The following GRK5 variants were observed in gnomAD, a reference collection of about 807,000 sequenced individuals.
GRK5 encodes the protein G protein-coupled receptor kinase 5.
Under a neutral mutation model 78.4 loss-of-function variants are expected in GRK5, and 40 were observed. The ratio of observed to expected loss-of-function variants is 0.51; its 90% CI spans 0.40 to 0.66. The LOEUF (loss-of-function observed/expected upper bound fraction) is 0.66. Among genes scored for constraint, GRK5 ranks in the 30% least tolerant of loss-of-function variants. GRK5 has a pLI of 0.00. For missense variants in GRK5, 598 were observed against 759.9 expected (o/e 0.79, Z 2.50); for synonymous variants, 289 against 296.8 (o/e 0.97, Z 0.27).
intron 1 of GRK5, among the ~76,000 whole-genome samples, chr10:119,215,936 G>A (rs1848564489): frequency 6.6e-6 from 1 of 152,100 alleles, no homozygotes; most frequent in Non-Finnish European, 1.5e-5. Flanking sequence ...CCATTTTAAG[G>A]GTTTTCATTT....
At chr10:119,209,477 T>A (rs1016732905) in intron 1 of GRK5, among the ~76,000 whole-genome samples, 2 of 145,800 alleles carry the variant, frequency 1.4e-5, no homozygotes, top group Non-Finnish European at 3.0e-5. Context: ...GAGCTGTGTG[T>A]GTGTGTGTGG....
At position 119,292,105 on chromosome 10, in the gene GRK5, TTCTCCTCTTCCTCCC is replaced by T. The variant is rs1485544239; in HGVS notation, c.53-34403_53-34389del. On this transcript the variant is annotated intron_variant, in intron 1 of 15. Transcript: ENST00000392870. ...TTCCTCCTCCTTCTCCTCTTCCTCCTTCTCCTCTTCCTCCCTCTCCTCATCTTCCTCCTTCTCCTC... is the reference window on the plus strand; with the variant it reads ...TTCCTCCTCCTTCTCCTCTTCCTCCTTCTCCTCATCTTCCTCCTTCTCCTC... Among the ~76,000 whole-genome samples the T allele has an allele frequency of 8.6e-5, 10 of 116,136 alleles. 1 individual carries two copies. The East Asian group carries it at 9.2e-4, about 11-fold the overall frequency. 76.2% of individuals were successfully genotyped at this position (116,136 alleles called of 152,430 possible). A position where few individuals can be genotyped will look rare whatever the true frequency, so the allele number is the denominator to read the frequency against.
intron 1 of GRK5, among the ~76,000 whole-genome samples, chr10:119,237,903 TTGTC>T (rs1453989114): frequency 6.6e-6 from 1 of 151,406 alleles, no homozygotes; most frequent in Non-Finnish European, 1.5e-5. Context: ...TGTTAATGGG[TTGTC>T]TGTCTGTCAA....
chr10:119,362,070 G>C (rs1292452598), intron 2 of GRK5, among the ~76,000 whole-genome samples: 1 of 152,066 alleles, frequency 6.6e-6, no homozygotes, highest in African/African-American at 2.4e-5. Context: ...GTGATTATTG[G>C]AGGTGATGCT....
At chr10:119,231,870 C>A (rs1848836128) in intron 1 of GRK5, among the ~76,000 whole-genome samples, 1 of 152,124 alleles carries the variant, frequency 6.6e-6, no homozygotes, top group South Asian at 2.1e-4. Context: ...GGAACTCATA[C>A]ACTGTTGGTG....
intron 4 of GRK5, among the ~76,000 whole-genome samples, chr10:119,422,459 C>T: frequency 6.6e-6 from 1 of 152,182 alleles, no homozygotes; most frequent in East Asian, 1.9e-4. Flanking sequence ...GATTGTCTTC[C>T]TGACAAGAGT....
intron 1 of GRK5, among the ~76,000 whole-genome samples, chr10:119,220,996 A>G (rs552295088): frequency 6.6e-6 from 1 of 151,992 alleles, no homozygotes; most frequent in Non-Finnish European, 1.5e-5. Context: ...TCTACTAAAA[A>G]TACAAAAAAA....
intron 1 of GRK5, among the ~76,000 whole-genome samples, chr10:119,216,799 A>G (rs1423215507): frequency 6.6e-6 from 1 of 152,042 alleles, no homozygotes; most frequent in Non-Finnish European, 1.5e-5. Context: ...CTAAAAATAC[A>G]AAATTACCTG....
At chr10:119,429,086 G>A (rs1340895292) in intron 6 of GRK5, among the ~76,000 whole-genome samples, 1 of 152,232 alleles carries the variant, frequency 6.6e-6, no homozygotes, top group African/African-American at 2.4e-5. Context: ...CTGTCCAGCC[G>A]CTCCTGTGCA....
At chr10:119,300,526 G>A (rs1850159797) in intron 1 of GRK5, among the ~76,000 whole-genome samples, 1 of 152,182 alleles carries the variant, frequency 6.6e-6, no homozygotes, top group Non-Finnish European at 1.5e-5. Flanking sequence ...ATTGGGAAAG[G>A]ACAGAGGTTG....
rs140093535 is a variant in GRK5 at position 119,237,275 on chromosome 10, C to T, written c.52+29306C>T. On this transcript the variant is annotated intron_variant, in intron 1 of 15. Transcript: ENST00000392870. ...ATGGGGTTTCATCATGTTGGCCAGGCTGGTCTCGAACTCCTGCACTCAAGT... is the reference window on the plus strand; with the variant it reads ...ATGGGGTTTCATCATGTTGGCCAGGTTGGTCTCGAACTCCTGCACTCAAGT... 1.2e-3 allele frequency among the ~76,000 whole-genome samples: 185 copies of T among 152,244 alleles called. 1 individual carries two copies. The highest frequency in any genetic ancestry group is 4.3e-3 in the African/African-American group (178 of 41,536).
At chr10:119,446,517 G>C (rs1246866261) in intron 12 of GRK5, among the ~76,000 whole-genome samples, 1 of 131,984 alleles carries the variant, frequency 7.6e-6, no homozygotes, top group Non-Finnish European at 1.6e-5. Context: ...CTGGCCAGCT[G>C]CTGCAGCCCC....
chr10:119,220,501 A>G (rs559512318), intron 1 of GRK5, among the ~76,000 whole-genome samples: 1 of 152,130 alleles, frequency 6.6e-6, no homozygotes, highest in South Asian at 2.1e-4. Context: ...GTTCTATATC[A>G]TGGTCCTTGG....
chr10:119,256,684 T>A (rs75932217), intron 1 of GRK5, among the ~76,000 whole-genome samples: 3,207 of 151,690 alleles, frequency 0.021, 57 homozygotes, highest in Admixed American at 0.055. Flanking sequence ...ACTGTGTCTC[T>A]GGTAATGAAT....
rs115740215 is a variant in GRK5 at position 119,300,421 on chromosome 10, G to A, written c.53-26095G>A. Among the ~76,000 whole-genome samples, 785 of 152,344 alleles carry A rather than the reference G, an allele frequency of 5.2e-3. 8 individuals are homozygous for A. Among genetic ancestry groups the A allele is most frequent in the African/African-American group, 0.018 (753 of 41,590 alleles). The stretch of plus-strand genomic sequence containing the variant: ...AGAGTGCATCTCCCATGAGGCAAAA[G>A]AGCAGGTGTGAGAAGTGGGTAAGCA... On this transcript the variant is annotated intron_variant, in intron 1 of 15. Transcript: ENST00000392870.
At chr10:119,346,255 C>CTT (rs1361566338) in intron 2 of GRK5, among the ~76,000 whole-genome samples, 2 of 152,208 alleles carry the variant, frequency 1.3e-5, no homozygotes, top group East Asian at 3.9e-4. Context: ...ATCGCCGCAG[C>CTT]GGGGCCGAGG....
chr10:119,403,975 T>C (rs1380840166), intron 4 of GRK5, among the ~76,000 whole-genome samples: 1 of 152,230 alleles, frequency 6.6e-6, no homozygotes, highest in East Asian at 1.9e-4. Context: ...TCTTGTGGAA[T>C]AATAATGCTG....
rs1252775863 is a variant in GRK5, at chr10:119,262,328, GGTT to G, written c.52+54360_52+54362del. Among the ~76,000 whole-genome samples the G allele has an allele frequency of 3.7e-3, 412 of 110,540 alleles. 8 individuals are homozygous for G. The highest frequency in any genetic ancestry group is 0.013 in the African/African-American group (395 of 30,332). 72.5% of individuals were successfully genotyped at this position (110,540 alleles called of 152,430 possible). Reference sequence around the variant, plus strand: ...TTATATATGAATGTTTTTAACTTTGGGTTTTTTTTTTTTTTTTTTTTTTTTTTT... The same window carrying G: ...TTATATATGAATGTTTTTAACTTTGGTTTTTTTTTTTTTTTTTTTTTTTTT... On this transcript the variant is annotated intron_variant, in intron 1 of 15. Coordinates refer to ENST00000392870, the MANE Select transcript of GRK5 (RefSeq NM_005308.3).
chr10:119,334,622 C>T lies in GRK5; in HGVS notation c.148+8011C>T, dbSNP rs544603966. The T allele has an allele frequency of 2.0e-5, 3 of 152,240 alleles. No individual in the cohort carries two copies. The South Asian group carries it at 6.2e-4, about 32-fold the overall frequency. The allele number at this position is 152,240 out of a possible 1,614,324, so 9.4% of individuals were successfully genotyped here. ...GGTCTGCAAATATTTCTCAGTGACGCAGAAAGGTCTGTTGGGCAAAAGTGT... is the reference window on the plus strand; with the variant it reads ...GGTCTGCAAATATTTCTCAGTGACGTAGAAAGGTCTGTTGGGCAAAAGTGT... On this transcript the variant is annotated intron_variant, in intron 2 of 15. Coordinates refer to ENST00000392870, the MANE Select transcript of GRK5 (RefSeq NM_005308.3).
Sources: gnomAD v4.1 joint callset for allele counts (sites outside exome capture counted in the v4.1 genomes callset) on GRCh38, gnomAD v4.1.1 for gene constraint, MANE v1.5 for transcripts, NCBI Gene and HGNC (gene_info 2026-07-23, HGNC 2026-07-21) for gene names.